Variants in QSOX1 observed in about 807,000 individuals in gnomAD.
QSOX1 encodes quiescin sulfhydryl oxidase 1.
A neutral mutation model predicts 76.1 loss-of-function variants in QSOX1; 40 were observed. That is an observed-to-expected ratio of 0.53 (90% CI 0.41 to 0.68). The LOEUF (loss-of-function observed/expected upper bound fraction) is 0.68, where lower values mean the gene tolerates loss of function less well. QSOX1 is among the 30% of genes least tolerant of loss of function. The pLI is 0.00. For missense variants in QSOX1, 931 were observed against 974.3 expected, an observed-to-expected ratio of 0.96 and a Z score of 0.59; for synonymous variants, 392 against 413.1, an observed-to-expected ratio of 0.95 and a Z score of 0.62.
In QSOX1 at chr1:180,190,596, G is replaced by T. The variant is rs775314493; in HGVS notation, c.1288+16G>T. The T allele has an allele frequency of 8.7e-6, 14 of 1,605,594 alleles. 1 individual carries two copies. In the South Asian group the frequency reaches 1.4e-4, roughly 16 times the overall value. ...CAGGAAGCAGGTACGTCCAGGACCC[G>T]TTCACCCCACTGTGCCTCCAACCCT... On this transcript the variant is annotated intron_variant, in intron 10 of 11. Transcript: ENST00000367602.
chr1:180,163,588 A>G (rs942994636), intron 1 of QSOX1, among the ~76,000 whole-genome samples: 10 of 152,236 alleles, frequency 6.6e-5, no homozygotes, highest in African/African-American at 2.4e-4. Flanking sequence ...ATGCCAAAGC[A>G]TATATACTTT....
At chr1:180,170,082 T>A (rs1435630035) in intron 2 of QSOX1, among the ~76,000 whole-genome samples, 1 of 152,118 alleles carries the variant, frequency 6.6e-6, no homozygotes. Context: ...AGGCTCATGT[T>A]GAGGGATGAG....
rs973866480 is a variant in QSOX1 at position 180,166,385 on chromosome 1, C to A, written c.266-106C>A. The A allele has an allele frequency of 1.1e-5, 9 of 816,220 alleles. No individual in the cohort carries two copies. In the Admixed American group the frequency reaches 1.6e-4, roughly 14 times the overall value. 50.6% of individuals were successfully genotyped at this position (816,220 alleles called of 1,614,324 possible). On this transcript the variant is annotated intron_variant, in intron 1 of 11. Coordinates refer to ENST00000367602, the MANE Select transcript of QSOX1 (RefSeq NM_002826.5). Reference sequence around the variant, plus strand: ...ACCTTTGTCATAAGAGCTTTGGGATCAGGTGCTTTGAGGTTGGCAGGGGTG... The same window carrying A: ...ACCTTTGTCATAAGAGCTTTGGGATAAGGTGCTTTGAGGTTGGCAGGGGTG...
At chr1:180,189,737 A>G in intron 9 of QSOX1, 63 bp downstream of exon 9, 5 of 1,542,404 alleles carry the variant, frequency 3.2e-6, no homozygotes, top group Non-Finnish European at 3.5e-6. Context: ...GCAAGGGGTT[A>G]ACCCTGTCAT....
chr1:180,176,868 T>G (rs78487437), intron 4 of QSOX1, among the ~76,000 whole-genome samples: 2,380 of 152,310 alleles, frequency 0.016, 77 homozygotes, highest in African/African-American at 0.054. Context: ...GCGCAGAGGC[T>G]CTCTTAAAAG....
At chr1:180,189,801 C>G (rs113079081) in intron 9 of QSOX1, 127 bp downstream of exon 9, 3 of 1,072,946 alleles carry the variant, frequency 2.8e-6, no homozygotes, top group Admixed American at 2.6e-5. Context: ...TCGTTGGGTC[C>G]TAACAATAAT....
Position 180,202,073 on chromosome 1 carries a change from C to CA in QSOX1, c.*5037dup, listed in dbSNP as rs1279712303. On this transcript the variant is annotated 3_prime_UTR_variant, in exon 12 of 12. Coordinates refer to ENST00000367602, the MANE Select transcript of QSOX1 (RefSeq NM_002826.5). ...CAGGGGGTTTGTGCCAGGCCTGGGT[C>CA]ACAGTGGAAGAGAGTCTGGAAATCA... The CA allele has an allele frequency of 2.0e-5, 3 of 152,274 alleles. No homozygotes were observed. The East Asian group carries it at 5.8e-4, about 29-fold the overall frequency. 9.4% of individuals were successfully genotyped at this position (152,274 alleles called of 1,614,324 possible).
intron 6 of QSOX1, among the ~76,000 whole-genome samples, chr1:180,182,615 C>T (rs1016273619): frequency 2.0e-5 from 3 of 152,208 alleles, no homozygotes; most frequent in Non-Finnish European, 4.4e-5. Flanking sequence ...CTTCTCCACC[C>T]TCTTCTGTTC....
intron 1 of QSOX1, among the ~76,000 whole-genome samples, chr1:180,164,476 C>T (rs755918953): frequency 7.2e-5 from 11 of 152,300 alleles, no homozygotes; most frequent in Non-Finnish European, 7.4e-5. Flanking sequence ...AAGCAGACTA[C>T]CAGCAAGAAA....
At chr1:180,159,007 T>TCCCTGCACTTGTGAGTGGGGCAGGGGA (rs1662433508) in intron 1 of QSOX1, among the ~76,000 whole-genome samples, 2 of 152,114 alleles carry the variant, frequency 1.3e-5, no homozygotes, top group Non-Finnish European at 2.9e-5. Context: ...CCCAGTGCCC[T>TCCCTGCACTTGTGAGTGGGGCAGGGGA]CCCTGCACTT....
intron 7 of QSOX1, 86 bp from the exon 8 acceptor site, chr1:180,185,967 C>T: frequency 6.6e-7 from 1 of 1,505,384 alleles, no homozygotes; most frequent in African/African-American, 1.4e-5. Context: ...CCCTTCTCTT[C>T]TCTCCCTTTA....
intron 4 of QSOX1, among the ~76,000 whole-genome samples, chr1:180,177,030 A>G (rs879823467): frequency 2.0e-5 from 3 of 152,128 alleles, no homozygotes; most frequent in Non-Finnish European, 4.4e-5. Context: ...TGGATACAGC[A>G]TAGTCTTTAT....
chr1:180,193,781 C>T (rs533617135), intron 10 of QSOX1, among the ~76,000 whole-genome samples: 7 of 151,972 alleles, frequency 4.6e-5, no homozygotes, highest in Non-Finnish European at 7.4e-5. Flanking sequence ...GGTCCAGGCC[C>T]GAGGGAGGTG....
intron 7 of QSOX1, among the ~76,000 whole-genome samples, chr1:180,185,005 G>A (rs533896002): frequency 6.6e-6 from 1 of 152,306 alleles, no homozygotes; most frequent in South Asian, 2.1e-4. Flanking sequence ...GCTGGTGTAT[G>A]TGCCAGGCTC....
At chr1:180,194,695 C>G (rs910435033) in intron 11 of QSOX1, among the ~76,000 whole-genome samples, 1 of 152,212 alleles carries the variant, frequency 6.6e-6, no homozygotes, top group African/African-American at 2.4e-5. Flanking sequence ...GCTGTTGGCC[C>G]CTTACTCAAA....
chr1:180,179,331 G>A (rs1470305202), intron 5 of QSOX1, among the ~76,000 whole-genome samples: 1 of 152,204 alleles, frequency 6.6e-6, no homozygotes, highest in African/African-American at 2.4e-5. Context: ...GGGAACATTA[G>A]CGACGCCCTA....
intron 1 of QSOX1, among the ~76,000 whole-genome samples, chr1:180,165,719 TG>T (rs1180587005): frequency 2.0e-5 from 3 of 152,370 alleles, no homozygotes; most frequent in Admixed American, 6.5e-5. Flanking sequence ...GGTGGAACTT[TG>T]GTGGATGCTC....
At position 180,155,184 on chromosome 1, in the gene QSOX1, G is replaced by C; in HGVS notation, c.265+12G>C. The C allele has an allele frequency of 6.7e-7, 1 of 1,482,100 alleles. No homozygotes were observed. The highest frequency in any genetic ancestry group is 8.9e-7 in the Non-Finnish European group (1 of 1,119,218). 91.8% of individuals were successfully genotyped at this position (1,482,100 alleles called of 1,614,324 possible). A position where few individuals can be genotyped will look rare whatever the true frequency, so the allele number is the denominator to read the frequency against. Reference sequence around the variant, plus strand: ...CGAAGACGTCAAAGGTGAGAAGCGGGGGCGGCCCGCTCCCCCGTGCCCCGC... The same window carrying C: ...CGAAGACGTCAAAGGTGAGAAGCGGCGGCGGCCCGCTCCCCCGTGCCCCGC... On this transcript the variant is annotated intron_variant, in intron 1 of 11. Transcript: ENST00000367602.
chr1:180,187,504 C>T (rs1292467413), intron 8 of QSOX1, among the ~76,000 whole-genome samples: 1 of 152,274 alleles, frequency 6.6e-6, no homozygotes, highest in Non-Finnish European at 1.5e-5. Flanking sequence ...TAGTCCAGTA[C>T]TCTCCAAAGG....
Sources: allele counts gnomAD v4.1 joint callset (sites outside exome capture counted in the v4.1 genomes callset), GRCh38; gene constraint gnomAD v4.1.1; transcripts MANE v1.5; gene names NCBI Gene and HGNC (gene_info 2026-07-23, HGNC 2026-07-21).